L2HGDH: variants seen among roughly 807,000 people sequenced by gnomAD.
The protein encoded by L2HGDH is L-2-hydroxyglutarate dehydrogenase.
In L2HGDH, 34 loss-of-function variants were observed where a neutral mutation model predicts 51.5. The observed-to-expected ratio is 0.66, with a 90% CI of 0.50 to 0.88. L2HGDH has a LOEUF of 0.88. Among genes scored for constraint, L2HGDH ranks in the 40% least tolerant of loss-of-function variants. The pLI is 0.00. For missense variants in L2HGDH, 558 were observed against 571.9 expected (o/e 0.98, Z 0.25); for synonymous variants, 198 against 197.9 (o/e 1.00, Z -0.01).
At chr14:50,302,815 A>G in intron 2 of L2HGDH, 87 bp downstream of exon 2, 1 of 908,630 alleles carries the variant, frequency 1.1e-6, no homozygotes, top group Non-Finnish European at 1.8e-6. Context: ...AGAAACTAAC[A>G]CTGACATTCA....
At chr14:50,270,815 T>C (rs549250264) in intron 6 of L2HGDH, among the ~76,000 whole-genome samples, 2 of 152,284 alleles carry the variant, frequency 1.3e-5, no homozygotes, top group South Asian at 4.1e-4. Flanking sequence ...CAGGCCTTAC[T>C]GTTTAGCCTT....
intron 3 of L2HGDH, among the ~76,000 whole-genome samples, chr14:50,294,775 A>G (rs1365298352): frequency 6.6e-6 from 1 of 152,222 alleles, no homozygotes; most frequent in Non-Finnish European, 1.5e-5. Flanking sequence ...TTGCAGGGGG[A>G]AAACAGTCAA....
rs566496872 is a variant in L2HGDH, at chr14:50,310,945, T to C, written c.140+1066A>G. On this transcript the variant is annotated intron_variant, in intron 1 of 9. Transcript: ENST00000267436. ...TTTTTTCTTTTCTTTTCTTTTTTTTTTTTTTTTTTTTTTTGCGAGACAGAG... is the reference window on the plus strand; with the variant it reads ...TTTTTTCTTTTCTTTTCTTTTTTTTCTTTTTTTTTTTTTTGCGAGACAGAG... Among the ~76,000 whole-genome samples, 701 of 137,048 alleles carry C rather than the reference T, an allele frequency of 5.1e-3. 6 individuals are homozygous for C. The highest frequency in any genetic ancestry group is 0.017 in the African/African-American group (645 of 36,972). 89.9% of individuals were successfully genotyped at this position (137,048 alleles called of 152,430 possible).
intron 1 of L2HGDH, among the ~76,000 whole-genome samples, chr14:50,308,692 T>C (rs2030875805): frequency 6.6e-6 from 1 of 152,258 alleles, no homozygotes; most frequent in Admixed American, 6.5e-5. Context: ...TGGAAAAGAG[T>C]ATGGCAGTTT....
chr14:50,255,189 G>A (rs1888586217), intron 9 of L2HGDH, among the ~76,000 whole-genome samples: 1 of 151,796 alleles, frequency 6.6e-6, no homozygotes, highest in Non-Finnish European at 1.5e-5. Flanking sequence ...TTTCTTTGTA[G>A]GATTACATAT....
intron 4 of L2HGDH, among the ~76,000 whole-genome samples, chr14:50,288,953 C>T (rs8022617): frequency 0.53 from 79,914 of 152,008 alleles, 21,295 homozygotes; most frequent in East Asian, 0.65. Flanking sequence ...TTTTAACACA[C>T]TCAATAGTTT....
chr14:50,290,041 G>A (rs926552782), intron 4 of L2HGDH, among the ~76,000 whole-genome samples: 4 of 152,060 alleles, frequency 2.6e-5, no homozygotes, highest in African/African-American at 9.7e-5. Context: ...TGAGGCGGGC[G>A]GATCACGAGG....
At chr14:50,273,960 C>G (rs1889832177) in intron 6 of L2HGDH, among the ~76,000 whole-genome samples, 1 of 152,048 alleles carries the variant, frequency 6.6e-6, no homozygotes, top group South Asian at 2.1e-4. Flanking sequence ...TGCCTGTAAT[C>G]CCAGCTACTC....
At chr14:50,287,996 C>A (rs1306915965) in intron 4 of L2HGDH, among the ~76,000 whole-genome samples, 1 of 152,014 alleles carries the variant, frequency 6.6e-6, no homozygotes, top group Non-Finnish European at 1.5e-5. Flanking sequence ...CCATGCCCAG[C>A]CAATAGTTGT....
At chr14:50,309,146 T>A (rs1416657862) in intron 1 of L2HGDH, among the ~76,000 whole-genome samples, 1 of 152,262 alleles carries the variant, frequency 6.6e-6, no homozygotes, top group Non-Finnish European at 1.5e-5. Flanking sequence ...AGCAAAAGTT[T>A]TTCATTTTGA....
chr14:50,265,641 T>C, intron 8 of L2HGDH, 152 bp from the exon 9 acceptor site: 1 of 743,532 alleles, frequency 1.3e-6, no homozygotes, highest in Non-Finnish European at 2.1e-6. Flanking sequence ...AGGCCAGGAG[T>C]GGTGGCTCAC....
chr14:50,290,006 C>A (rs1264385654), intron 4 of L2HGDH, among the ~76,000 whole-genome samples: 1 of 152,200 alleles, frequency 6.6e-6, no homozygotes, highest in East Asian at 1.9e-4. Flanking sequence ...TGGCTCACGC[C>A]TGTAATCCTA....
At chr14:50,264,109 G>A (rs1213252259) in intron 9 of L2HGDH, among the ~76,000 whole-genome samples, 1 of 151,582 alleles carries the variant, frequency 6.6e-6, no homozygotes, top group Non-Finnish European at 1.5e-5. Flanking sequence ...GCTGGGTGCA[G>A]TGGCTCACGC....
intron 4 of L2HGDH, 36 bp from the exon 5 acceptor site, chr14:50,284,069 AAAT>A: frequency 6.3e-7 from 1 of 1,579,604 alleles, no homozygotes; most frequent in Non-Finnish European, 8.7e-7. Context: ...CAGATAAGAG[AAAT>A]AATACTTGCT....
chr14:50,311,922 G>C (rs996703332), intron 1 of L2HGDH, 89 bp downstream of exon 1: 1 of 1,511,618 alleles, frequency 6.6e-7, no homozygotes, highest in African/African-American at 1.4e-5. Flanking sequence ...CCCGGGACAG[G>C]GAAATACGAA....
chr14:50,244,740 C>T lies in L2HGDH; in HGVS notation c.*2318G>A. The T allele has an allele frequency of 1.0e-6, 1 of 985,412 alleles. No individual in the cohort carries two copies. Among genetic ancestry groups the T allele is most frequent in the Non-Finnish European group, 1.2e-6 (1 of 829,926 alleles). The allele number at this position is 985,412 out of a possible 1,614,324, so 61.0% of individuals were successfully genotyped here. A position where few individuals can be genotyped will look rare whatever the true frequency, so the allele number is the denominator to read the frequency against. Reference sequence around the variant, plus strand: ...GAGGTAGCTCAATCAATGTAATCATCAATGCTTGAAGTGAGGGGAAAAGGA... The same window carrying T: ...GAGGTAGCTCAATCAATGTAATCATTAATGCTTGAAGTGAGGGGAAAAGGA... On this transcript the variant is annotated 3_prime_UTR_variant, in exon 10 of 10. Coordinates refer to ENST00000267436, the MANE Select transcript of L2HGDH (RefSeq NM_024884.3).
chr14:50,278,420 T>C (rs2140004335), intron 6 of L2HGDH, 100 bp downstream of exon 6: 1 of 731,498 alleles, frequency 1.4e-6, no homozygotes, highest in Non-Finnish European at 2.3e-6. Context: ...ATTAGACAAA[T>C]GTCATTCAAT....
chr14:50,304,189 A>G (rs1382800255), intron 1 of L2HGDH, among the ~76,000 whole-genome samples: 1 of 152,218 alleles, frequency 6.6e-6, no homozygotes, highest in African/African-American at 2.4e-5. Flanking sequence ...CTGTGCATCT[A>G]AAAATGTGTA....
At chr14:50,288,527 T>C (rs917280629) in intron 4 of L2HGDH, among the ~76,000 whole-genome samples, 1 of 152,174 alleles carries the variant, frequency 6.6e-6, no homozygotes, top group Non-Finnish European at 1.5e-5. Context: ...GCCTCCCTGG[T>C]TCAAGCGATT....
Sources: allele counts gnomAD v4.1 joint callset (sites outside exome capture counted in the v4.1 genomes callset), GRCh38; gene constraint gnomAD v4.1.1; transcripts MANE v1.5; gene names NCBI Gene and HGNC (gene_info 2026-07-23, HGNC 2026-07-21).